The following C5 variants were observed in gnomAD, a reference collection of about 807,000 sequenced individuals.
C5 encodes the protein complement C5.
In C5, 140 loss-of-function variants were observed where a neutral mutation model predicts 218.8. The ratio of observed to expected loss-of-function variants is 0.64; its 90% CI spans 0.56 to 0.74. The LOEUF (loss-of-function observed/expected upper bound fraction) is 0.74, where lower values mean the gene tolerates loss of function less well. Among genes scored for constraint, C5 ranks in the 30% least tolerant of loss-of-function variants. The pLI is 0.00. For missense variants in C5, 1,700 were observed against 1,969.6 expected, an observed-to-expected ratio of 0.86 and a Z score of 2.59; for synonymous variants, 614 against 682.3, an observed-to-expected ratio of 0.90 and a Z score of 1.56.
At chr9:120,966,578 GT>G (rs1406737362) in intron 33 of C5, among the ~76,000 whole-genome samples, 2 of 152,196 alleles carry the variant, frequency 1.3e-5, no homozygotes, top group Non-Finnish European at 2.9e-5. Context: ...CTGCCCAGAA[GT>G]TTGCTTACAC....
At chr9:121,070,411 ATATATATATATATAT>A in the C5 span, among the ~76,000 whole-genome samples, 20 of 103,196 alleles carry the variant, frequency 1.9e-4, 1 homozygote, top group South Asian at 7.9e-3. Context: ...ATATATATAT[ATATATATATATATAT>A]GTATGTATAT....
intron 39 of C5, among the ~76,000 whole-genome samples, chr9:120,954,875 C>T (rs775644007): frequency 5.3e-5 from 8 of 151,220 alleles, no homozygotes; most frequent in East Asian, 1.9e-4. Flanking sequence ...ATTCCTATTA[C>T]GTCAATATCT....
At chr9:121,005,791 A>T in intron 20 of C5, 128 bp downstream of exon 20, 2 of 863,576 alleles carry the variant, frequency 2.3e-6, no homozygotes. Flanking sequence ...TGCTCATTTT[A>T]AGTGTTTGGT....
chr9:121,016,657 T>C (rs2047309870), intron 14 of C5, among the ~76,000 whole-genome samples: 1 of 152,218 alleles, frequency 6.6e-6, no homozygotes, highest in African/African-American at 2.4e-5. Flanking sequence ...TAGTGTTTTG[T>C]ACATAGAATG....
chr9:120,964,017 G>GT (rs2046847804), intron 33 of C5, among the ~76,000 whole-genome samples: 1 of 152,214 alleles, frequency 6.6e-6, no homozygotes, highest in African/African-American at 2.4e-5. Context: ...CAGGATGAGA[G>GT]TAAGGCACTG....
intron 8 of C5, among the ~76,000 whole-genome samples, chr9:121,026,827 AG>A (rs1289008212): frequency 2.0e-5 from 3 of 152,168 alleles, no homozygotes; most frequent in African/African-American, 7.2e-5. Context: ...CAGGCAAAGA[AG>A]GGGCAGGAGG....
chr9:120,970,381 C>T (rs1588169532), intron 31 of C5, 130 bp from the exon 32 acceptor site: 7 of 707,294 alleles, frequency 9.9e-6, no homozygotes, highest in Admixed American at 4.1e-5. Context: ...AAATGGTGTA[C>T]ATTAGTGACT....
Position 121,017,895 on chromosome 9 carries a change from A to C in C5, c.1507-43T>G, listed in dbSNP as rs541302552. 5.7e-6 allele frequency: 7 copies of C among 1,226,138 alleles called. No individual in the cohort carries two copies. In the African/African-American group the frequency reaches 7.4e-5, roughly 13 times the overall value. The allele number at this position is 1,226,138 out of a possible 1,614,324, so 76.0% of individuals were successfully genotyped here. On this transcript the variant is annotated intron_variant, in intron 12 of 40. Transcript: ENST00000223642. ...CAGCAACAATAAGTAAAAAATAAAC[A>C]AACAAAAACAAAACCTGTGCTTTAG...
In C5 at chr9:120,976,760, G is replaced by A. The variant is rs1459533689; in HGVS notation, c.3804C>T (p.Asn1268=). 3.1e-6 allele frequency: 5 copies of A among 1,614,124 alleles called. No individual in the cohort carries two copies. In the Admixed American group the frequency reaches 8.3e-5, roughly 27 times the overall value. The stretch of plus-strand genomic sequence containing the variant: ...CTTCTGATAGCCATTTGATGACTGG[G>A]TTAACATAATTTATATCTTTCAAGT... The part of the protein sequence containing the change: ...SLNLKDINYV[N]PVIKWLSEEQ... Residue 1268 remains asparagine (N), a synonymous_variant, in exon 29 of 41, where the codon AAC becomes AAT. Coordinates refer to ENST00000223642, the MANE Select transcript of C5 (RefSeq NM_001735.3).
chr9:120,971,256 C>T (rs1361647785), intron 31 of C5, among the ~76,000 whole-genome samples: 1 of 151,298 alleles, frequency 6.6e-6, no homozygotes, highest in East Asian at 1.9e-4. Flanking sequence ...CACATAAATC[C>T]CCCAAAATCC....
intron 34 of C5, 120 bp downstream of exon 34, chr9:120,963,516 A>T (rs568858712): frequency 1.6e-5 from 13 of 799,736 alleles, no homozygotes; most frequent in East Asian, 2.8e-5. Flanking sequence ...AAAAAAAAAA[A>T]ATATTCTGGG....
At chr9:120,967,055 T>A (rs2046873689) in intron 33 of C5, among the ~76,000 whole-genome samples, 1 of 151,128 alleles carries the variant, frequency 6.6e-6, no homozygotes, top group South Asian at 2.1e-4. Context: ...AGGTTAGGAG[T>A]TCAAGACCAG....
chr9:121,022,141 T>C (rs2047371513), intron 10 of C5, among the ~76,000 whole-genome samples: 1 of 152,202 alleles, frequency 6.6e-6, no homozygotes, highest in African/African-American at 2.4e-5. Context: ...GGAGTAGGTG[T>C]GATAAGGTCT....
At chr9:120,990,390 G>A (rs1217613189) in intron 23 of C5, among the ~76,000 whole-genome samples, 1 of 152,196 alleles carries the variant, frequency 6.6e-6, no homozygotes, top group Admixed American at 6.5e-5. Context: ...AAATGTATGC[G>A]AGGGGAGGAG....
chr9:121,017,507 T>G lies in C5; in HGVS notation c.1721A>C (p.His574Pro). 6.2e-7 allele frequency: 1 copy of G among 1,613,766 alleles called. No individual in the cohort carries two copies. Among genetic ancestry groups the G allele is most frequent in the African/African-American group, 1.3e-5 (1 of 75,052 alleles). Residue 574 changes from histidine to proline, a missense_variant, in exon 14 of 41, where the codon CAT becomes CCT. By Grantham distance (77) the His-to-Pro change is moderately conservative (BLOSUM62 -2). Coordinates refer to ENST00000223642, the MANE Select transcript of C5 (RefSeq NM_001735.3). Reference sequence around the variant, plus strand: ...ATATGCATCTGCATCAGGAGACAGATGAACCTAAAAGTTCATTTGAAAAAG... The same window carrying G: ...ATATGCATCTGCATCAGGAGACAGAGGAACCTAAAAGTTCATTTGAAAAAG... ...EEKCGNQLQV[H>P]LSPDADAYSP...
chr9:120,969,079 C>G lies in C5; in HGVS notation c.4202G>C (p.Arg1401Pro). 6.2e-7 allele frequency: 1 copy of G among 1,613,864 alleles called. No homozygotes were observed. The change falls in exon 33 of 41, where the codon CGC (arginine) becomes CCC (proline). Residue 1401 changes from arginine to proline, a missense_variant. Transcript: ENST00000223642. ...YRGYGNSDYK[R>P]IVACASYKPS... is the part of the protein sequence containing the mutation. ...GGCTCACCTGGCACATGCTACTATG[C>G]GTTTGTAATCAGAGTTTCCGTAGCC...
intron 25 of C5, among the ~76,000 whole-genome samples, chr9:120,986,441 G>A (rs778313146): frequency 1.0e-4 from 15 of 150,730 alleles, no homozygotes; most frequent in Non-Finnish European, 1.8e-4. Flanking sequence ...AATGATATTC[G>A]TACTTTAAAA....
chr9:121,055,165 T>G (rs73662476), upstream of C5, among the ~76,000 whole-genome samples: 749 of 152,276 alleles, frequency 4.9e-3, 7 homozygotes, highest in African/African-American at 0.017. Context: ...TCTTCGCCTG[T>G]AACTCTTTTC....
the C5 span, among the ~76,000 whole-genome samples, chr9:121,057,445 C>G: frequency 6.6e-6 from 1 of 151,892 alleles, no homozygotes; most frequent in African/African-American, 2.4e-5. Context: ...TAAAAAGATA[C>G]AAATAGATAA....
Sources: allele counts gnomAD v4.1 joint callset (sites outside exome capture counted in the v4.1 genomes callset), GRCh38; gene constraint gnomAD v4.1.1; transcripts MANE v1.5; gene names NCBI Gene and HGNC (gene_info 2026-07-23, HGNC 2026-07-21).